MCC: variants seen among roughly 807,000 people sequenced by gnomAD.
The protein encoded by MCC is MCC regulator of Wnt signaling pathway.
MCC carries 90 observed loss-of-function variants against 116.2 expected under a neutral mutation model. The ratio of observed to expected loss-of-function variants is 0.77; its 90% confidence interval spans 0.65 to 0.92. MCC has a LOEUF of 0.92. MCC is among the 40% of genes least tolerant of loss of function. The probability of loss-of-function intolerance (pLI) is 0.00; values close to 1 mark genes in which losing one functional copy is unlikely to be tolerated. For synonymous variants in MCC, 578 were observed against 510.5 expected, an observed-to-expected ratio of 1.13 and a Z score of -1.78; for missense variants, 1,516 against 1,312.2, an observed-to-expected ratio of 1.16 and a Z score of -2.40.
Position 113,082,919 on chromosome 5 carries a change from T to A in MCC, c.1725A>T (p.Gly575=). ...TAATCTTGCTTTCTGAGATGGCAGA[T>A]CCGTGTGAGTAGAGTGTTTGGAAAA... is the stretch of plus-strand genomic sequence containing the variant. ...QEIFQTLYSH[G]SAISESKIRE... Residue 575 remains glycine, a synonymous_variant, in exon 11 of 19, where the codon GGA becomes GGT. Coordinates refer to ENST00000408903, the MANE Select transcript of MCC (RefSeq NM_001085377.2). The A allele has an allele frequency of 6.2e-7, 1 of 1,614,160 alleles. No homozygotes were observed. Among genetic ancestry groups the A allele is most frequent in the Admixed American group, 1.7e-5 (1 of 60,020 alleles).
rs1480996383 is a variant in MCC at position 113,327,561 on chromosome 5, A to AAAAAAAATAT, written c.627+12957_627+12958insATATTTTTTT. Among the ~76,000 whole-genome samples the AAAAAAAATAT allele has an allele frequency of 3.4e-4, 27 of 80,552 alleles. No individual in the cohort carries two copies. The East Asian group carries it at 3.5e-3, about 10-fold the overall frequency. The allele number at this position is 80,552 out of a possible 152,430, so 52.8% of individuals were successfully genotyped here. A position where few individuals can be genotyped will look rare whatever the true frequency, so the allele number is the denominator to read the frequency against. On this transcript the variant is annotated intron_variant, in intron 3 of 18. Transcript: ENST00000408903. ...ACTCAGTCTCAAAAAAAAAAAAAAA[A>AAAAAAAATAT]ATATATATATATATATATATATATA...
At chr5:113,438,339 C>T (rs1770924053) in intron 1 of MCC, among the ~76,000 whole-genome samples, 1 of 152,118 alleles carries the variant, frequency 6.6e-6, no homozygotes, top group South Asian at 2.1e-4. Context: ...TTAAGAGCAT[C>T]AGACACGGGG....
intron 3 of MCC, among the ~76,000 whole-genome samples, chr5:113,282,277 C>T (rs1766076748): frequency 6.6e-6 from 1 of 152,172 alleles, no homozygotes; most frequent in South Asian, 2.1e-4. Flanking sequence ...GTCATCACTG[C>T]TAGCTGGGGA....
chr5:113,118,355 A>AT (rs1340888188), intron 6 of MCC, among the ~76,000 whole-genome samples: 2 of 151,998 alleles, frequency 1.3e-5, no homozygotes, highest in African/African-American at 4.8e-5. Flanking sequence ...ATAAGAGGTA[A>AT]TTTTTTTAAA....
intron 3 of MCC, among the ~76,000 whole-genome samples, chr5:113,168,769 G>T (rs1196291273): frequency 6.6e-6 from 1 of 152,106 alleles, no homozygotes; most frequent in Non-Finnish European, 1.5e-5. Context: ...AGGGGCAACA[G>T]ATCTGAGACA....
At chr5:113,214,853 A>C (rs1222565191) in intron 3 of MCC, among the ~76,000 whole-genome samples, 1 of 152,184 alleles carries the variant, frequency 6.6e-6, no homozygotes, top group African/African-American at 2.4e-5. Context: ...CATCAGGATA[A>C]AGCCCACATT....
intron 1 of MCC, among the ~76,000 whole-genome samples, chr5:113,416,956 C>T (rs1322880660): frequency 2.0e-5 from 3 of 149,142 alleles, no homozygotes; most frequent in Non-Finnish European, 4.4e-5. Flanking sequence ...CTGTTTCTTA[C>T]CATGTGAATT....
At chr5:113,072,855 C>T (rs948715369) in intron 11 of MCC, among the ~76,000 whole-genome samples, 1 of 152,190 alleles carries the variant, frequency 6.6e-6, no homozygotes, top group Non-Finnish European at 1.5e-5. Flanking sequence ...CAGCTGCCTT[C>T]CTGACATTTC....
intron 3 of MCC, chr5:113,269,304 C>A (rs1365993815): frequency 7.9e-6 from 4 of 508,226 alleles, no homozygotes; most frequent in Non-Finnish European, 9.5e-6. Context: ...AACTCTTTTT[C>A]AATGATACCT....
intron 1 of MCC, among the ~76,000 whole-genome samples, chr5:113,469,051 T>C (rs1254297591): frequency 3.9e-5 from 6 of 152,260 alleles, no homozygotes; most frequent in Non-Finnish European, 1.5e-5. Context: ...TTTTTTATTG[T>C]GTCTATTTGA....
chr5:113,255,276 T>C lies in MCC; in HGVS notation c.627+85243A>G, dbSNP rs1764963667. On this transcript the variant is annotated intron_variant, in intron 3 of 18. Coordinates refer to ENST00000408903, the MANE Select transcript of MCC (RefSeq NM_001085377.2). ...AAAGTCCTCGAGGAGGTTTCCTTTA[T>C]AAATAAAAAGGCCAAGTCTTGCTAA... Among the ~76,000 whole-genome samples the C allele has an allele frequency of 5.3e-5, 8 of 152,222 alleles. No homozygotes were observed. The South Asian group carries it at 1.7e-3, about 31-fold the overall frequency.
intron 17 of MCC, among the ~76,000 whole-genome samples, chr5:113,032,888 C>T (rs1054354948): frequency 6.6e-6 from 1 of 152,226 alleles, no homozygotes; most frequent in Non-Finnish European, 1.5e-5. Flanking sequence ...CAACAGTTTA[C>T]AAATGCCATG....
intron 16 of MCC, among the ~76,000 whole-genome samples, chr5:113,046,608 C>G (rs1311226060): frequency 6.7e-6 from 1 of 148,884 alleles, no homozygotes; most frequent in African/African-American, 2.5e-5. Context: ...CCTGGTAACT[C>G]CATTCCTACC....
Position 113,249,738 on chromosome 5 carries a change from A to G in MCC, c.627+90781T>C, listed in dbSNP as rs116666479. On this transcript the variant is annotated intron_variant, in intron 3 of 18. Transcript: ENST00000408903. Reference sequence around the variant, plus strand: ...AGAGCTAGTCAGAGCAGCATGCTTCATCTCCCTTTCAAACCTGCTCACCCA... The same window carrying G: ...AGAGCTAGTCAGAGCAGCATGCTTCGTCTCCCTTTCAAACCTGCTCACCCA... Among the ~76,000 whole-genome samples the G allele has an allele frequency of 4.0e-3, 602 of 152,320 alleles. 5 individuals are homozygous for G. The highest frequency in any genetic ancestry group is 0.013 in the African/African-American group (556 of 41,582).
At chr5:113,181,477 A>G (rs1039536009) in intron 3 of MCC, among the ~76,000 whole-genome samples, 2 of 152,232 alleles carry the variant, frequency 1.3e-5, no homozygotes, top group African/African-American at 4.8e-5. Context: ...AATGAGTAGG[A>G]TCCAACAAAA....
intron 1 of MCC, among the ~76,000 whole-genome samples, chr5:113,392,324 A>G (rs1177056764): frequency 6.6e-6 from 1 of 152,172 alleles, no homozygotes; most frequent in African/African-American, 2.4e-5. Flanking sequence ...ATGAAGATAT[A>G]AAAAGATTCC....
chr5:113,409,878 A>C (rs1170984503), intron 1 of MCC, among the ~76,000 whole-genome samples: 1 of 152,218 alleles, frequency 6.6e-6, no homozygotes, highest in Non-Finnish European at 1.5e-5. Context: ...ACATATGCTC[A>C]CTATAAAATT....
intron 1 of MCC, chr5:113,433,942 G>T (rs374502735): frequency 2.5e-6 from 4 of 1,613,894 alleles, no homozygotes; most frequent in Non-Finnish European, 3.4e-6. Flanking sequence ...CCAGGTTCGG[G>T]GGTCCACAAG....
At chr5:113,443,161 C>T (rs1212343747) in intron 1 of MCC, among the ~76,000 whole-genome samples, 1 of 147,898 alleles carries the variant, frequency 6.8e-6, no homozygotes. Context: ...TGTTTGTGTC[C>T]TCTCATTTCC....
Sources: allele counts gnomAD v4.1 joint callset (sites outside exome capture counted in the v4.1 genomes callset), GRCh38; gene constraint gnomAD v4.1.1; transcripts MANE v1.5; gene names NCBI Gene and HGNC (gene_info 2026-07-23, HGNC 2026-07-21).